Variants in GPHN observed in about 807,000 individuals in gnomAD.
GPHN encodes the protein gephyrin.
A neutral mutation model predicts 95.5 loss-of-function variants in GPHN; 17 were observed. The ratio of observed to expected loss-of-function variants is 0.18; its 90% CI spans 0.12 to 0.27. The LOEUF (loss-of-function observed/expected upper bound fraction) is 0.27. GPHN is among the 10% of genes least tolerant of loss of function. The pLI is 1.00. For missense variants in GPHN, 660 were observed against 978.1 expected (o/e 0.67, Z 4.34); for synonymous variants, 320 against 322.5 (o/e 0.99, Z 0.08).
intron 5 of GPHN, among the ~76,000 whole-genome samples, chr14:66,885,484 G>A (rs750615371): frequency 6.6e-6 from 1 of 151,968 alleles, no homozygotes; most frequent in African/African-American, 2.4e-5. Flanking sequence ...AGACAGAATG[G>A]GTAATTAAGG....
the GPHN span, chr14:67,332,877 A>G: frequency 6.2e-7 from 1 of 1,613,988 alleles, no homozygotes; most frequent in Non-Finnish European, 8.5e-7. Context: ...GATCTTGATA[A>G]AGCCTATCAG....
chr14:67,129,772 AAGAG>A (rs149337227), intron 17 of GPHN, among the ~76,000 whole-genome samples: 2 of 149,124 alleles, frequency 1.3e-5, no homozygotes, highest in African/African-American at 5.0e-5. Context: ...GAAAGAAAGA[AAGAG>A]AGAAAGAAAG....
rs149043858 is a variant in GPHN at position 66,707,343 on chromosome 14, A to G, written c.143+26158A>G. On this transcript the variant is annotated intron_variant, in intron 2 of 22. Coordinates refer to ENST00000478722, the MANE Select transcript of GPHN (RefSeq NM_020806.5). ...TACCCAGAGGAATATAAATCATTCT[A>G]CTATAAAGACACATGCACGTGTTTG... Among the ~76,000 whole-genome samples, 64 of 152,308 alleles carry G rather than the reference A, an allele frequency of 4.2e-4. 3 individuals are homozygous for G. The East Asian group carries it at 9.8e-3, about 23-fold the overall frequency.
chr14:66,559,254 A>G (rs1490782441), intron 1 of GPHN, among the ~76,000 whole-genome samples: 1 of 151,844 alleles, frequency 6.6e-6, no homozygotes, highest in African/African-American at 2.4e-5. Context: ...GTATATACCC[A>G]GTAATGGGAT....
chr14:67,422,392 AG>A, the GPHN span, among the ~76,000 whole-genome samples: 1 of 152,174 alleles, frequency 6.6e-6, no homozygotes, highest in Non-Finnish European at 1.5e-5. Context: ...TGTCTTACAC[AG>A]CTAGCATATG....
the GPHN span, among the ~76,000 whole-genome samples, chr14:67,188,559 T>A: frequency 2.6e-5 from 4 of 152,166 alleles, no homozygotes; most frequent in Non-Finnish European, 4.4e-5. Flanking sequence ...GAAGAAATCT[T>A]ACTCAGTGGG....
chr14:67,200,055 G>A, the GPHN span: 11 of 934,508 alleles, frequency 1.2e-5, no homozygotes, highest in Non-Finnish European at 1.6e-5. Flanking sequence ...CTGGGGGACA[G>A]CCACCACCCC....
At chr14:67,360,029 T>G in the GPHN span, 1 of 508,744 alleles carries the variant, frequency 2.0e-6, no homozygotes, top group Non-Finnish European at 3.5e-6. Flanking sequence ...GGCCAAAGAC[T>G]AGGAGCGAAG....
intron 11 of GPHN, among the ~76,000 whole-genome samples, chr14:67,083,434 T>A (rs2076767243): frequency 6.6e-6 from 1 of 152,144 alleles, no homozygotes; most frequent in Non-Finnish European, 1.5e-5. Context: ...CTTTGTCTTC[T>A]GCCATGATTG....
chr14:66,997,529 T>A (rs1201299457), intron 9 of GPHN, among the ~76,000 whole-genome samples: 1 of 152,190 alleles, frequency 6.6e-6, no homozygotes, highest in African/African-American at 2.4e-5. Context: ...AGAAATATTA[T>A]CTCAGAATGT....
the GPHN span, among the ~76,000 whole-genome samples, chr14:67,483,851 G>A: frequency 2.6e-5 from 4 of 152,298 alleles, no homozygotes; most frequent in Non-Finnish European, 4.4e-5. Flanking sequence ...CAGGAGGAGC[G>A]GTCCGAACAC....
chr14:66,933,277 T>C (rs2066924353), intron 8 of GPHN, among the ~76,000 whole-genome samples: 1 of 152,262 alleles, frequency 6.6e-6, no homozygotes, highest in Non-Finnish European at 1.5e-5. Context: ...GAAGAAGTTA[T>C]GTTAACTTTG....
intron 3 of GPHN, among the ~76,000 whole-genome samples, chr14:66,816,192 T>C (rs2060959810): frequency 6.6e-6 from 1 of 152,120 alleles, no homozygotes; most frequent in Non-Finnish European, 1.5e-5. Flanking sequence ...ACACTTAGAC[T>C]CCCACACAAT....
intron 2 of GPHN, among the ~76,000 whole-genome samples, chr14:66,757,921 G>T (rs1566911543): frequency 1.3e-5 from 2 of 152,168 alleles, no homozygotes; most frequent in South Asian, 2.1e-4. Flanking sequence ...TTTATTAAGT[G>T]AAAGGAAAAA....
At chr14:67,357,370 A>C in the GPHN span, among the ~76,000 whole-genome samples, 1 of 152,250 alleles carries the variant, frequency 6.6e-6, no homozygotes, top group African/African-American at 2.4e-5. Context: ...CAGCTGAATC[A>C]AAGACATCTG....
chr14:66,688,468 G>A (rs1414753504), intron 2 of GPHN, among the ~76,000 whole-genome samples: 1 of 152,156 alleles, frequency 6.6e-6, no homozygotes. Flanking sequence ...GCCATAAAAT[G>A]GATTGCTTTT....
chr14:67,000,707 C>T (rs995012911), intron 9 of GPHN, among the ~76,000 whole-genome samples: 1 of 151,548 alleles, frequency 6.6e-6, no homozygotes, highest in Non-Finnish European at 1.5e-5. Flanking sequence ...TAGAAATGAA[C>T]TGGAGTATAT....
intron 2 of GPHN, among the ~76,000 whole-genome samples, chr14:66,764,978 A>T (rs1343918195): frequency 6.6e-6 from 1 of 152,182 alleles, no homozygotes; most frequent in East Asian, 1.9e-4. Flanking sequence ...TGATTTAAAA[A>T]TACTATCAAC....
At chr14:67,142,361 G>T (rs2080519282) in intron 17 of GPHN, among the ~76,000 whole-genome samples, 1 of 152,094 alleles carries the variant, frequency 6.6e-6, no homozygotes, top group African/African-American at 2.4e-5. Context: ...CCCTTCATAA[G>T]TCTTGATTCT....
Sources: gnomAD v4.1 joint callset for allele counts (sites outside exome capture counted in the v4.1 genomes callset) on GRCh38, gnomAD v4.1.1 for gene constraint, MANE v1.5 for transcripts, NCBI Gene and HGNC (gene_info 2026-07-23, HGNC 2026-07-21) for gene names.